PIGN: variants seen among roughly 807,000 people sequenced by gnomAD.
PIGN encodes the protein phosphatidylinositol glycan anchor biosynthesis class N.
PIGN carries 117 observed loss-of-function variants against 125.4 expected under a neutral mutation model. The ratio of observed to expected loss-of-function variants is 0.93; its 90% CI spans 0.80 to 1.09. The LOEUF (loss-of-function observed/expected upper bound fraction) is 1.09. Ranked by LOEUF, PIGN falls within the 50% of genes least tolerant of loss-of-function variation. PIGN has a pLI of 0.00. For missense variants in PIGN, 1,075 were observed against 1,094.9 expected, an observed-to-expected ratio of 0.98 and a Z score of 0.26; for synonymous variants, 392 against 377.8, an observed-to-expected ratio of 1.04 and a Z score of -0.44.
At chr18:62,110,845 A>T (rs1318062) in intron 16 of PIGN, among the ~76,000 whole-genome samples, 24,800 of 147,702 alleles carry the variant, frequency 0.17, 2,808 homozygotes, top group Middle Eastern at 0.28. Flanking sequence ...CATAATAAAA[A>T]ATATATATAT....
downstream of PIGN, among the ~76,000 whole-genome samples, chr18:62,039,082 C>T (rs570367417): frequency 4.6e-5 from 7 of 151,736 alleles, no homozygotes; most frequent in Non-Finnish European, 5.9e-5. Flanking sequence ...GGAGAAATAA[C>T]GAAAACAGAA....
At chr18:62,076,439 T>C (rs1292409157) in intron 28 of PIGN, among the ~76,000 whole-genome samples, 1 of 152,222 alleles carries the variant, frequency 6.6e-6, no homozygotes, top group African/African-American at 2.4e-5. Context: ...TTTCTCCCAG[T>C]ATGTAACCTA....
chr18:62,138,093 C>G (rs945225233), intron 14 of PIGN, 150 bp downstream of exon 14: 1 of 1,081,842 alleles, frequency 9.2e-7, no homozygotes, highest in Admixed American at 3.3e-5. Flanking sequence ...TTAACAACAG[C>G]AATAGAAGAG....
intron 1 of PIGN, among the ~76,000 whole-genome samples, chr18:62,173,722 A>C: frequency 6.6e-6 from 1 of 152,264 alleles, no homozygotes; most frequent in East Asian, 1.9e-4. Flanking sequence ...CTTGGCACTC[A>C]GTAAATGATA....
In PIGN at chr18:62,157,177, AT is replaced by A. The variant is rs1409569674; in HGVS notation, c.393del (p.Lys131AsnfsTer69). On this transcript the variant is annotated frameshift_variant, in exon 6 of 31. Transcript: ENST00000640252. LOFTEE classifies it high-confidence loss of function. Reference sequence around the variant, plus strand: ...TCTGGGCTTCCCCAGCTCCATGTGTATTTACTTTCATTAAAAAGAGAATCAA... The same window carrying A: ...TCTGGGCTTCCCCAGCTCCATGTGTATTACTTTCATTAAAAAGAGAATCAA... Reference protein sequence around the residue: ...VEFDSLFNESKYTWSWGSPDI... With the variant: ...VEFDSLFNESXYTWSWGSPDI... 1 of 1,610,094 alleles carries A rather than the reference AT, an allele frequency of 6.2e-7. No individual in the cohort carries two copies. Among genetic ancestry groups the A allele is most frequent in the Admixed American group, 1.7e-5 (1 of 59,800 alleles).
At chr18:62,137,951 T>A in intron 14 of PIGN, 1 of 310,320 alleles carries the variant, frequency 3.2e-6, no homozygotes, top group Non-Finnish European at 5.9e-6. Context: ...TCACACTCGT[T>A]CCTGCCCCCA....
At chr18:62,024,888 A>G (rs2030097981) in intron 23 of PIGN, among the ~76,000 whole-genome samples, 1 of 152,230 alleles carries the variant, frequency 6.6e-6, no homozygotes, top group African/African-American at 2.4e-5. Context: ...ACCCTGGTGA[A>G]GAGTTGGAAA....
chr18:62,168,639 A>C (rs1256214716), intron 1 of PIGN, among the ~76,000 whole-genome samples: 1 of 152,118 alleles, frequency 6.6e-6, no homozygotes, highest in Non-Finnish European at 1.5e-5. Context: ...TTCAACATCA[A>C]TGTAATATTT....
chr18:62,110,033 A>G lies in PIGN; in HGVS notation c.1435-60T>C, dbSNP rs911183378. On this transcript the variant is annotated intron_variant, in intron 16 of 30. Transcript: ENST00000640252. ...AACCAATGGTAATTGATAGGTTTTA[A>G]AAGAGATTTTATAAAGTAAAGAAAA... 2.5e-5 allele frequency: 38 copies of G among 1,523,672 alleles called. No individual in the cohort carries two copies. In the African/African-American group the frequency reaches 5.1e-4, roughly 20 times the overall value. 94.4% of individuals were successfully genotyped at this position (1,523,672 alleles called of 1,614,324 possible). A position where few individuals can be genotyped will look rare whatever the true frequency, so the allele number is the denominator to read the frequency against.
rs76841497 is a variant in PIGN at position 62,138,167 on chromosome 18, T to G, written c.1172+76A>C. 55,974 of 1,521,180 alleles carry G rather than the reference T, an allele frequency of 0.037. 1,782 individuals carry two copies. Among genetic ancestry groups the G allele is most frequent in the African/African-American group, 0.16 (11,807 of 71,620 alleles). The allele number at this position is 1,521,180 out of a possible 1,614,324, so 94.2% of individuals were successfully genotyped here. On this transcript the variant is annotated intron_variant, in intron 14 of 30. Transcript: ENST00000640252. ...GCAAACTGTATAAGTAAACTAATCC[T>G]ATCACTCAGTGAAAAATTGCAAACT... is the stretch of plus-strand genomic sequence containing the variant.
chr18:62,163,002 C>T (rs1388027227), intron 2 of PIGN, among the ~76,000 whole-genome samples: 1 of 152,046 alleles, frequency 6.6e-6, no homozygotes, highest in Admixed American at 6.6e-5. Flanking sequence ...AATTACCAAA[C>T]CAATTTAAGA....
intron 14 of PIGN, chr18:62,135,512 C>G (rs535336544): frequency 2.0e-5 from 3 of 151,920 alleles, no homozygotes; most frequent in Admixed American, 2.0e-4. Context: ...AGTCTATGAT[C>G]AGTTACCATG....
chr18:62,180,401 A>C (rs960520730), intron 1 of PIGN, among the ~76,000 whole-genome samples: 1 of 152,206 alleles, frequency 6.6e-6, no homozygotes, highest in Admixed American at 6.5e-5. Flanking sequence ...TTGCTCTAAT[A>C]AACAAAATTT....
chr18:62,068,443 C>T (rs575807094), intron 30 of PIGN, among the ~76,000 whole-genome samples: 2 of 152,232 alleles, frequency 1.3e-5, no homozygotes, highest in African/African-American at 4.8e-5. Context: ...CCACTCTTTT[C>T]ATTTTGCTAA....
intron 1 of PIGN, among the ~76,000 whole-genome samples, chr18:62,185,324 T>C (rs1006432360): frequency 2.0e-5 from 3 of 152,210 alleles, no homozygotes; most frequent in Admixed American, 6.5e-5. Flanking sequence ...TCCCCATGTT[T>C]TACTTTTAAT....
intron 10 of PIGN, among the ~76,000 whole-genome samples, chr18:62,145,277 C>T (rs1457410411): frequency 6.6e-6 from 1 of 152,116 alleles, no homozygotes; most frequent in Non-Finnish European, 1.5e-5. Flanking sequence ...ACTGTTCTGG[C>T]CTTTTGTCAA....
chr18:62,158,493 A>T (rs1448525715), intron 4 of PIGN, among the ~76,000 whole-genome samples: 1 of 152,236 alleles, frequency 6.6e-6, no homozygotes, highest in Non-Finnish European at 1.5e-5. Context: ...AAAACAGGCA[A>T]AAAGATTATT....
chr18:62,090,449 A>G lies in PIGN; in HGVS notation c.2283+27T>C, dbSNP rs184588918. The G allele has an allele frequency of 6.2e-5, 87 of 1,401,410 alleles. No individual in the cohort carries two copies. In the Admixed American group the frequency reaches 8.8e-4, roughly 14 times the overall value. The allele number at this position is 1,401,410 out of a possible 1,614,324, so 86.8% of individuals were successfully genotyped here. On this transcript the variant is annotated intron_variant, in intron 24 of 30. Coordinates refer to ENST00000640252, the MANE Select transcript of PIGN (RefSeq NM_176787.5). ...GGATAGAGACTAATAGTCTCAAATA[A>G]AAACAAAAATGACTTTGACCAGCTA... is the stretch of plus-strand genomic sequence containing the variant.
intron 23 of PIGN, among the ~76,000 whole-genome samples, chr18:62,031,946 C>T (rs905935705): frequency 2.0e-5 from 3 of 152,180 alleles, no homozygotes; most frequent in South Asian, 2.1e-4. Context: ...CCTCTTAAGG[C>T]TCTCGGGGTG....
Sources: gnomAD v4.1 joint callset for allele counts (sites outside exome capture counted in the v4.1 genomes callset) on GRCh38, gnomAD v4.1.1 for gene constraint, MANE v1.5 for transcripts, NCBI Gene and HGNC (gene_info 2026-07-23, HGNC 2026-07-21) for gene names.